STXBP5L: variants seen among roughly 807,000 people sequenced by gnomAD.
The protein encoded by STXBP5L is syntaxin binding protein 5L, also known as syntaxin-binding protein 5-like.
Under a neutral mutation model 144.5 loss-of-function variants are expected in STXBP5L, and 65 were observed. The observed-to-expected ratio is 0.45, with a 90% CI of 0.37 to 0.55. STXBP5L has a LOEUF of 0.55. Among genes scored for constraint, STXBP5L ranks in the 20% least tolerant of loss-of-function variants. The probability of loss-of-function intolerance (pLI) is 0.00; values close to 1 mark genes in which losing one functional copy is unlikely to be tolerated. For missense variants in STXBP5L, 1,298 were observed against 1,405.5 expected (o/e 0.92, Z 1.22); for synonymous variants, 505 against 469.6 (o/e 1.08, Z -0.97).
chr3:121,223,359 G>A (rs556935834), intron 11 of STXBP5L, among the ~76,000 whole-genome samples: 2 of 152,308 alleles, frequency 1.3e-5, no homozygotes, highest in South Asian at 4.1e-4. Context: ...GGCATTTCAG[G>A]TTCTAATATC....
At chr3:120,949,113 A>G (rs1008026528) in intron 2 of STXBP5L, among the ~76,000 whole-genome samples, 3 of 151,988 alleles carry the variant, frequency 2.0e-5, no homozygotes, top group Non-Finnish European at 2.9e-5. Context: ...TGCAGGAGTA[A>G]GGTGGTATCT....
chr3:121,308,500 A>T (rs557989649), intron 19 of STXBP5L, among the ~76,000 whole-genome samples: 11 of 152,332 alleles, frequency 7.2e-5, no homozygotes, highest in Non-Finnish European at 1.3e-4. Context: ...AAAGAGTATA[A>T]ATGCATATTT....
chr3:121,238,436 T>C (rs2049553936), intron 12 of STXBP5L, among the ~76,000 whole-genome samples: 2 of 152,230 alleles, frequency 1.3e-5, no homozygotes, highest in South Asian at 4.2e-4. Context: ...ATGAAGGATC[T>C]GCCCCATAAG....
intron 5 of STXBP5L, among the ~76,000 whole-genome samples, chr3:121,055,037 G>A (rs1038243033): frequency 3.0e-4 from 45 of 152,132 alleles, no homozygotes; most frequent in African/African-American, 1.0e-3. Flanking sequence ...AACTGAGTTA[G>A]ATTAATTGGT....
At chr3:120,935,780 GT>G (rs149871182) in intron 2 of STXBP5L, among the ~76,000 whole-genome samples, 7 of 150,334 alleles carry the variant, frequency 4.7e-5, no homozygotes, top group African/African-American at 4.9e-5. Context: ...GTTTTTCTGC[GT>G]TTTTTTTTAA....
At chr3:121,316,079 A>G (rs1311991372) in intron 19 of STXBP5L, among the ~76,000 whole-genome samples, 3 of 151,922 alleles carry the variant, frequency 2.0e-5, no homozygotes, top group Non-Finnish European at 4.4e-5. Flanking sequence ...ACTTTTCTGT[A>G]TCTTCCAAGT....
intron 5 of STXBP5L, among the ~76,000 whole-genome samples, chr3:121,110,902 A>G (rs2043954196): frequency 6.6e-6 from 1 of 152,134 alleles, no homozygotes; most frequent in Admixed American, 6.6e-5. Flanking sequence ...ATAACCCCAT[A>G]GGTCCTGGAG....
At chr3:121,093,415 G>A (rs1175081147) in intron 5 of STXBP5L, among the ~76,000 whole-genome samples, 2 of 152,082 alleles carry the variant, frequency 1.3e-5, no homozygotes, top group African/African-American at 2.4e-5. Context: ...ACTCTTTTTG[G>A]TTGGTAAGCT....
At chr3:121,328,129 G>T (rs2044209295) in intron 20 of STXBP5L, among the ~76,000 whole-genome samples, 1 of 152,116 alleles carries the variant, frequency 6.6e-6, no homozygotes, top group Non-Finnish European at 1.5e-5. Flanking sequence ...TTTAATGCCA[G>T]GCACTAGATT....
At chr3:121,001,811 G>A (rs1943801489) in intron 3 of STXBP5L, among the ~76,000 whole-genome samples, 1 of 152,110 alleles carries the variant, frequency 6.6e-6, no homozygotes, top group South Asian at 2.1e-4. Flanking sequence ...ATTTCATTGG[G>A]GTGTGCTGAT....
At chr3:121,269,386 T>C (rs935674859) in intron 18 of STXBP5L, among the ~76,000 whole-genome samples, 8 of 151,894 alleles carry the variant, frequency 5.3e-5, no homozygotes, top group African/African-American at 1.5e-4. Context: ...TCTTAGAAAA[T>C]AGTAAATTTG....
intron 3 of STXBP5L, among the ~76,000 whole-genome samples, chr3:121,001,374 C>G (rs980191394): frequency 5.3e-5 from 8 of 152,220 alleles, no homozygotes; most frequent in African/African-American, 1.9e-4. Context: ...AGGGGATACT[C>G]AGATCAGACT....
chr3:121,392,732 A>G (rs897989593), intron 22 of STXBP5L, among the ~76,000 whole-genome samples: 1 of 146,264 alleles, frequency 6.8e-6, no homozygotes, highest in Non-Finnish European at 1.5e-5. Context: ...GTATAAAGCA[A>G]TGATTTCATT....
chr3:120,922,811 A>G (rs1009150352), intron 2 of STXBP5L, among the ~76,000 whole-genome samples: 4 of 151,960 alleles, frequency 2.6e-5, no homozygotes, highest in South Asian at 2.1e-4. Flanking sequence ...AATCAGGGAT[A>G]CTGGCCTGTA....
At chr3:121,343,065 T>G (rs1205130909) in intron 20 of STXBP5L, among the ~76,000 whole-genome samples, 9 of 152,186 alleles carry the variant, frequency 5.9e-5, no homozygotes, top group Non-Finnish European at 1.3e-4. Flanking sequence ...GGTATCTCAT[T>G]GTGGTTTTGA....
chr3:121,165,076 C>T (rs2331642), intron 9 of STXBP5L, among the ~76,000 whole-genome samples: 77,619 of 151,968 alleles, frequency 0.51, 20,280 homozygotes, highest in Admixed American at 0.6. Flanking sequence ...GATATGTTAA[C>T]TTGCCTCACT....
chr3:121,274,356 C>T (rs528864677), intron 18 of STXBP5L, among the ~76,000 whole-genome samples: 1 of 152,344 alleles, frequency 6.6e-6, no homozygotes, highest in African/African-American at 2.4e-5. Flanking sequence ...GCAAATACTG[C>T]AGGTATCCAT....
chr3:121,189,621 G>A (rs1223068653), intron 9 of STXBP5L, among the ~76,000 whole-genome samples: 3 of 152,154 alleles, frequency 2.0e-5, no homozygotes, highest in African/African-American at 7.2e-5. Flanking sequence ...TTTGGTTACT[G>A]TAGCCTTGTA....
At chr3:121,324,263 T>C (rs777904735) in intron 20 of STXBP5L, among the ~76,000 whole-genome samples, 6 of 152,148 alleles carry the variant, frequency 3.9e-5, no homozygotes, top group Non-Finnish European at 8.8e-5. Flanking sequence ...TGAATGCTCC[T>C]TCTGGGCATT....
Sources: allele counts gnomAD v4.1 joint callset (sites outside exome capture counted in the v4.1 genomes callset), GRCh38; gene constraint gnomAD v4.1.1; transcripts MANE v1.5; gene names NCBI Gene and HGNC (gene_info 2026-07-23, HGNC 2026-07-21).